The following ITGBL1 variants were observed in gnomAD, a reference collection of about 807,000 sequenced individuals.
ITGBL1 encodes integrin beta-like protein 1.
A neutral mutation model predicts 68.5 loss-of-function variants in ITGBL1; 51 were observed. That is an observed-to-expected ratio of 0.74 (90% CI 0.59 to 0.94). The LOEUF (loss-of-function observed/expected upper bound fraction) is 0.94, where lower values mean the gene tolerates loss of function less well. Among genes scored for constraint, ITGBL1 ranks in the 40% least tolerant of loss-of-function variants. The probability of loss-of-function intolerance (pLI) is 0.00; values close to 1 mark genes in which losing one functional copy is unlikely to be tolerated. For synonymous variants in ITGBL1, 209 were observed against 227.3 expected, an observed-to-expected ratio of 0.92 and a Z score of 0.72; for missense variants, 649 against 647.4, an observed-to-expected ratio of 1.00 and a Z score of -0.03.
chr13:101,453,816 G>A (rs1451531068), intron 1 of ITGBL1, 67 bp from the exon 2 acceptor site: 8 of 1,078,054 alleles, frequency 7.4e-6, no homozygotes, highest in South Asian at 4.7e-5. Flanking sequence ...GGGAGGAAAC[G>A]TGGGTTCGGA....
At chr13:101,578,888 G>A (rs1426925578) in intron 4 of ITGBL1, among the ~76,000 whole-genome samples, 3 of 152,074 alleles carry the variant, frequency 2.0e-5, no homozygotes, top group African/African-American at 4.8e-5. Context: ...TGCACCATTG[G>A]TTTCTCAATA....
At chr13:101,483,780 ATTGT>A (rs1212257088) in intron 2 of ITGBL1, among the ~76,000 whole-genome samples, 1 of 152,160 alleles carries the variant, frequency 6.6e-6, no homozygotes, top group African/African-American at 2.4e-5. Context: ...ATCTAATCTG[ATTGT>A]TATCACATAT....
intron 7 of ITGBL1, among the ~76,000 whole-genome samples, chr13:101,611,439 C>T (rs1026738271): frequency 6.6e-5 from 10 of 152,096 alleles, no homozygotes; most frequent in African/African-American, 2.4e-4. Context: ...TTGTTTTATT[C>T]GAAGGCATTT....
intron 2 of ITGBL1, among the ~76,000 whole-genome samples, chr13:101,565,996 T>A (rs1270210104): frequency 6.6e-6 from 1 of 152,156 alleles, no homozygotes; most frequent in Non-Finnish European, 1.5e-5. Flanking sequence ...TTATTTCCCA[T>A]CTCTACTGTG....
intron 7 of ITGBL1, among the ~76,000 whole-genome samples, chr13:101,682,611 C>T (rs1351334064): frequency 1.3e-5 from 2 of 151,930 alleles, no homozygotes; most frequent in South Asian, 2.1e-4. Context: ...ATATATATTA[C>T]TTCTATTGTG....
intron 2 of ITGBL1, among the ~76,000 whole-genome samples, chr13:101,543,512 T>G (rs1191206235): frequency 1.3e-5 from 2 of 152,176 alleles, no homozygotes; most frequent in Non-Finnish European, 2.9e-5. Context: ...ATTTCAACTT[T>G]GGTGAATCTG....
intron 7 of ITGBL1, among the ~76,000 whole-genome samples, chr13:101,613,737 A>G (rs1378625781): frequency 6.6e-6 from 1 of 152,114 alleles, no homozygotes; most frequent in Non-Finnish European, 1.5e-5. Flanking sequence ...AGCTTGCAGA[A>G]GTATTTTTAA....
At chr13:101,607,398 T>A (rs1160797116) in intron 7 of ITGBL1, among the ~76,000 whole-genome samples, 1 of 152,056 alleles carries the variant, frequency 6.6e-6, no homozygotes, top group Non-Finnish European at 1.5e-5. Context: ...TTAAACATAT[T>A]TCCTGTTACA....
intron 8 of ITGBL1, among the ~76,000 whole-genome samples, chr13:101,693,198 T>G: frequency 6.6e-6 from 1 of 152,086 alleles, no homozygotes; most frequent in African/African-American, 2.4e-5. Context: ...TAGAAGGTAG[T>G]GAGCAGAGGT....
chr13:101,487,153 A>G (rs1383103405), intron 2 of ITGBL1, among the ~76,000 whole-genome samples: 1 of 152,224 alleles, frequency 6.6e-6, no homozygotes, highest in African/African-American at 2.4e-5. Flanking sequence ...ATTACCAGGC[A>G]TATTAAATTT....
intron 2 of ITGBL1, among the ~76,000 whole-genome samples, chr13:101,475,508 T>G (rs1219071137): frequency 6.8e-6 from 1 of 146,902 alleles, no homozygotes; most frequent in Non-Finnish European, 1.5e-5. Context: ...CATAGAAAAT[T>G]TATTCAAAGG....
At chr13:101,713,695 A>G (rs1422471899) in intron 9 of ITGBL1, 1 of 152,164 alleles carries the variant, frequency 6.6e-6, no homozygotes, top group Non-Finnish European at 1.5e-5. Context: ...TAAATATATC[A>G]TTAATAAAAT....
intron 2 of ITGBL1, among the ~76,000 whole-genome samples, chr13:101,494,029 T>C (rs1454449673): frequency 6.6e-6 from 1 of 152,222 alleles, no homozygotes; most frequent in Non-Finnish European, 1.5e-5. Flanking sequence ...ACTCCACTAT[T>C]CAGCCACTTT....
intron 7 of ITGBL1, among the ~76,000 whole-genome samples, chr13:101,603,209 C>T (rs1026128828): frequency 1.3e-5 from 2 of 151,826 alleles, no homozygotes; most frequent in African/African-American, 4.8e-5. Flanking sequence ...GTGGAGTTTC[C>T]AGTTTGTCCA....
chr13:101,626,480 C>A (rs1021839051), intron 7 of ITGBL1, among the ~76,000 whole-genome samples: 2 of 152,082 alleles, frequency 1.3e-5, no homozygotes, highest in African/African-American at 4.8e-5. Context: ...GAGAGATAGC[C>A]CTTTTGCTGA....
At chr13:101,578,337 A>G (rs1187938820) in intron 4 of ITGBL1, among the ~76,000 whole-genome samples, 3 of 152,206 alleles carry the variant, frequency 2.0e-5, no homozygotes, top group African/African-American at 7.2e-5. Flanking sequence ...AAGAACAAAG[A>G]CTTTAGCCAT....
intron 2 of ITGBL1, among the ~76,000 whole-genome samples, chr13:101,532,663 G>A (rs1372100671): frequency 6.6e-6 from 1 of 152,196 alleles, no homozygotes; most frequent in Non-Finnish European, 1.5e-5. Flanking sequence ...CTGTACATAT[G>A]CAAAGGAATT....
At chr13:101,588,693 T>TAAAA (rs3063720) in intron 6 of ITGBL1, among the ~76,000 whole-genome samples, 1 of 147,678 alleles carries the variant, frequency 6.8e-6, no homozygotes, top group Non-Finnish European at 1.5e-5. Context: ...ATTTGTCTAT[T>TAAAA]AAAAAAAAAA....
chr13:101,518,167 G>A (rs1416763749), intron 2 of ITGBL1, among the ~76,000 whole-genome samples: 1 of 152,220 alleles, frequency 6.6e-6, no homozygotes. Context: ...CAGTACAACC[G>A]ATGTTTCCTC....
Sources: gnomAD v4.1 joint callset for allele counts (sites outside exome capture counted in the v4.1 genomes callset) on GRCh38, gnomAD v4.1.1 for gene constraint, MANE v1.5 for transcripts, NCBI Gene and HGNC (gene_info 2026-07-23, HGNC 2026-07-21) for gene names.